The following AFF2 variants were observed in gnomAD, a reference collection of about 807,000 sequenced individuals.
AFF2 encodes AF4/FMR2 family member 2.
Under a neutral mutation model 76.9 loss-of-function variants are expected in AFF2, and 14 were observed. That is an observed-to-expected ratio of 0.18 (90% CI 0.12 to 0.28). The LOEUF (loss-of-function observed/expected upper bound fraction) is 0.28, where lower values mean the gene tolerates loss of function less well. Among genes scored for constraint, AFF2 ranks in the 10% least tolerant of loss-of-function variants. The pLI is 1.00. For missense variants in AFF2, 868 were observed against 1,001.1 expected, an observed-to-expected ratio of 0.87 and a Z score of 1.79; for synonymous variants, 398 against 366.7, an observed-to-expected ratio of 1.09 and a Z score of -0.98.
rs782748687 is a variant in AFF2, at chrX:148,791,571, C to T, written c.1042-18305C>T. Among the ~76,000 whole-genome samples, 8 of 112,372 alleles carry T rather than the reference C, an allele frequency of 7.1e-5. No homozygotes were observed. The East Asian group carries it at 8.4e-4, about 12-fold the overall frequency. ...GGTCAATTAATTGTTTTAAAACTTC[C>T]GCTCTTGAATTACTTGTCTTTATTC... is the stretch of plus-strand genomic sequence containing the variant. On this transcript the variant is annotated intron_variant, in intron 3 of 20. Transcript: ENST00000370460.
intron 8 of AFF2, among the ~76,000 whole-genome samples, chrX:148,897,913 G>T (rs1557280512): frequency 8.9e-6 from 1 of 111,848 alleles, no homozygotes; most frequent in African/African-American, 3.2e-5. Context: ...GAAGTGCTTG[G>T]CTGGCATCTG....
chrX:148,647,840 T>C (rs1463092004), intron 1 of AFF2, among the ~76,000 whole-genome samples: 1 of 111,288 alleles, frequency 9.0e-6, no homozygotes, highest in Admixed American at 9.6e-5. Context: ...TGCTAAACTC[T>C]CTTCCTGTTA....
At chrX:148,803,162 G>A (rs2124634639) in intron 3 of AFF2, among the ~76,000 whole-genome samples, 1 of 111,510 alleles carries the variant, frequency 9.0e-6, no homozygotes, top group South Asian at 3.8e-4. Context: ...GAAAGGACCA[G>A]GGCCAGAAGA....
chrX:148,703,667 G>A (rs989594978), intron 3 of AFF2, among the ~76,000 whole-genome samples: 1 of 111,491 alleles, frequency 9.0e-6, no homozygotes, highest in Non-Finnish European at 1.9e-5. Flanking sequence ...ATTTAATACA[G>A]CTCACTGTAT....
chrX:148,969,502 A>G (rs1557289252), intron 15 of AFF2, among the ~76,000 whole-genome samples: 1 of 112,356 alleles, frequency 8.9e-6, no homozygotes, highest in African/African-American at 3.2e-5. Flanking sequence ...GGCCATTTGC[A>G]TATAACCTGT....
intron 9 of AFF2, among the ~76,000 whole-genome samples, chrX:148,945,088 G>A (rs1203689577): frequency 1.8e-5 from 2 of 111,079 alleles, no homozygotes; most frequent in Admixed American, 9.6e-5. Flanking sequence ...TCCCCACTAC[G>A]GCCATGGATA....
intron 9 of AFF2, among the ~76,000 whole-genome samples, chrX:148,920,531 G>A (rs924622435): frequency 1.8e-5 from 2 of 111,392 alleles, no homozygotes; most frequent in African/African-American, 6.5e-5. Flanking sequence ...ATTTCTTAAA[G>A]TATTGTCCAT....
At chrX:148,708,801 G>T (rs1243691069) in intron 3 of AFF2, among the ~76,000 whole-genome samples, 1 of 112,475 alleles carries the variant, frequency 8.9e-6, no homozygotes. Context: ...GAAGTTTGCA[G>T]ATATGCCTAT....
chrX:148,845,120 T>TACACACAC (rs1463131629), intron 7 of AFF2, among the ~76,000 whole-genome samples: 1 of 39,482 alleles, frequency 2.5e-5, no homozygotes, highest in African/African-American at 4.2e-5. Context: ...CACATACACA[T>TACACACAC]ACACACACAC....
At chrX:148,640,464 T>G (rs1557254501) in intron 1 of AFF2, among the ~76,000 whole-genome samples, 1 of 111,347 alleles carries the variant, frequency 9.0e-6, no homozygotes, top group African/African-American at 3.3e-5. Flanking sequence ...TATTACCAAG[T>G]GATTGAGCTC....
intron 1 of AFF2, among the ~76,000 whole-genome samples, chrX:148,650,102 C>T (rs5980563): frequency 0.2 from 21,539 of 110,392 alleles, 1,551 homozygotes; most frequent in Non-Finnish European, 0.21. Flanking sequence ...ACCCCCATAA[C>T]ACCCAATCTT....
intron 1 of AFF2, chrX:148,547,428 T>C (rs1557238308): frequency 8.9e-6 from 1 of 112,070 alleles, no homozygotes; most frequent in East Asian, 2.8e-4. Context: ...CAGATCCCTT[T>C]GTCTGGTTGC....
chrX:149,000,509 A>G lies in AFF2; in HGVS notation c.*9177A>G, dbSNP rs1431300085. 4.4e-5 allele frequency: 5 copies of G among 113,246 alleles called. No individual in the cohort carries two copies. Among genetic ancestry groups the G allele is most frequent in the African/African-American group, 1.6e-4 (5 of 31,079 alleles). The allele number at this position is 113,246 out of a possible 1,213,427, so 9.3% of individuals were successfully genotyped here. ...CAGTACAGTAACTCTGTGTACAAACATTTTAATGTGGTTTTGTTGTTTTCC... is the reference window on the plus strand; with the variant it reads ...CAGTACAGTAACTCTGTGTACAAACGTTTTAATGTGGTTTTGTTGTTTTCC... On this transcript the variant is annotated 3_prime_UTR_variant, in exon 21 of 21. Coordinates refer to ENST00000370460, the MANE Select transcript of AFF2 (RefSeq NM_002025.4).
rs782247073 is a variant in AFF2 at position 148,956,312 on chromosome X, T to G, written c.2267T>G (p.Leu756Arg). The G allele has an allele frequency of 8.3e-7, 1 of 1,211,697 alleles. No individual in the cohort carries two copies. Among genetic ancestry groups the G allele is most frequent in the Non-Finnish European group, 1.1e-6 (1 of 895,501 alleles). ...GAAATCTGTGGTGCCAGCCTGACCC[T>G]CAGCACCTTAATGAGTAGCAGTGGC... ...SKEICGASLTLSTLMSSSGSN... is the reference protein window; with the variant it reads ...SKEICGASLTRSTLMSSSGSN... The change falls in exon 11 of 21, where the codon CTC (leucine) becomes CGC (arginine). Residue 756 changes from leucine to arginine, a missense_variant. Transcript: ENST00000370460.
In AFF2 at chrX:148,959,428, T is replaced by C. The variant is rs150964080; in HGVS notation, c.2690+970T>C. Among the ~76,000 whole-genome samples the C allele has an allele frequency of 1.3e-3, 146 of 112,257 alleles. 1 individual carries two copies. The highest frequency in any genetic ancestry group is 4.5e-3 in the African/African-American group (138 of 30,904). ...CAATCTGGCTAACTGCAGCTAACAA[T>C]TGATTTCACAGATTACAGTTTAACA... On this transcript the variant is annotated intron_variant, in intron 12 of 20. Coordinates refer to ENST00000370460, the MANE Select transcript of AFF2 (RefSeq NM_002025.4).
intron 3 of AFF2, among the ~76,000 whole-genome samples, chrX:148,672,410 G>A (rs188881033): frequency 1.8e-5 from 2 of 112,058 alleles, no homozygotes; most frequent in African/African-American, 3.2e-5. Flanking sequence ...GAGGCTAAGC[G>A]TCACTTGCCT....
chrX:148,868,895 C>T (rs964007937), intron 7 of AFF2, among the ~76,000 whole-genome samples: 2 of 112,168 alleles, frequency 1.8e-5, no homozygotes, highest in African/African-American at 3.2e-5. Context: ...GGCACTAACC[C>T]CATGTTTAAG....
chrX:148,814,323 A>G (rs1222250251), intron 4 of AFF2, among the ~76,000 whole-genome samples: 4 of 112,166 alleles, frequency 3.6e-5, no homozygotes, highest in Non-Finnish European at 7.5e-5. Flanking sequence ...ATGGATGCTC[A>G]ATGATTATTT....
intron 1 of AFF2, among the ~76,000 whole-genome samples, chrX:148,594,320 A>G (rs2053550480): frequency 1.8e-5 from 2 of 112,070 alleles, no homozygotes; most frequent in Admixed American, 1.9e-4. Context: ...CCTTTTGTTT[A>G]TGTCTACTAA....
Sources: allele counts gnomAD v4.1 joint callset (sites outside exome capture counted in the v4.1 genomes callset), GRCh38; gene constraint gnomAD v4.1.1; transcripts MANE v1.5; gene names NCBI Gene and HGNC (gene_info 2026-07-23, HGNC 2026-07-21).